Variants in FCHSD2 observed in about 807,000 individuals in gnomAD.
The protein encoded by FCHSD2 is FCH and double SH3 domains 2, also known as F-BAR and double SH3 domains protein 2.
Under a neutral mutation model 108.1 loss-of-function variants are expected in FCHSD2, and 38 were observed. That is an observed-to-expected ratio of 0.35 (90% CI 0.27 to 0.46). The LOEUF (loss-of-function observed/expected upper bound fraction) is 0.46. Ranked by LOEUF, FCHSD2 falls within the 20% of genes least tolerant of loss-of-function variation. The pLI, the probability that FCHSD2 is intolerant of heterozygous loss-of-function variation, is 1.00. For synonymous variants in FCHSD2, 279 were observed against 314.7 expected (o/e 0.89, Z 1.20); for missense variants, 751 against 897.8 (o/e 0.84, Z 2.09).
intron 5 of FCHSD2, among the ~76,000 whole-genome samples, chr11:72,992,351 A>G (rs1224559157): frequency 1.3e-5 from 2 of 152,232 alleles, no homozygotes; most frequent in Non-Finnish European, 2.9e-5. Context: ...GGTAATTTAT[A>G]GATTCAATGC....
chr11:72,927,966 G>A (rs1274315857), intron 8 of FCHSD2, among the ~76,000 whole-genome samples: 1 of 152,164 alleles, frequency 6.6e-6, no homozygotes, highest in African/African-American at 2.4e-5. Flanking sequence ...ACTTTATCAT[G>A]TTAATGATTT....
At chr11:72,963,794 G>A (rs1565344539) in intron 8 of FCHSD2, among the ~76,000 whole-genome samples, 1 of 152,162 alleles carries the variant, frequency 6.6e-6, no homozygotes, top group Non-Finnish European at 1.5e-5. Context: ...GTGGAGCTCA[G>A]GCAGTAATGC....
chr11:72,863,271 G>A (rs772688403), intron 13 of FCHSD2, among the ~76,000 whole-genome samples: 4 of 151,372 alleles, frequency 2.6e-5, no homozygotes, highest in Admixed American at 1.3e-4. Flanking sequence ...ATTCAGTGGC[G>A]AAAGGACAGT....
intron 2 of FCHSD2, among the ~76,000 whole-genome samples, chr11:73,095,946 A>G (rs1413899524): frequency 6.6e-6 from 1 of 152,134 alleles, no homozygotes; most frequent in Non-Finnish European, 1.5e-5. Flanking sequence ...ACCTGCTCAC[A>G]AACAAAATTG....
At chr11:73,033,201 T>C (rs1256233744) in intron 3 of FCHSD2, among the ~76,000 whole-genome samples, 1 of 149,926 alleles carries the variant, frequency 6.7e-6, no homozygotes, top group East Asian at 2.0e-4. Flanking sequence ...GGCAGGAGAA[T>C]GGCATAAACC....
intron 8 of FCHSD2, among the ~76,000 whole-genome samples, chr11:72,947,260 G>A (rs1303193357): frequency 6.6e-6 from 1 of 152,220 alleles, no homozygotes; most frequent in African/African-American, 2.4e-5. Flanking sequence ...GGTAAGAAAT[G>A]CTGTGTGTCA....
intron 2 of FCHSD2, among the ~76,000 whole-genome samples, chr11:73,116,257 CTTAA>C (rs1023199646): frequency 2.0e-5 from 3 of 152,100 alleles, no homozygotes; most frequent in Non-Finnish European, 4.4e-5. Context: ...TTCATTATTA[CTTAA>C]TTTTCTTATA....
rs115907550 is a variant in FCHSD2, at chr11:72,878,525, T to A, written c.1146+8945A>T. Among the ~76,000 whole-genome samples the A allele has an allele frequency of 4.1e-3, 621 of 152,098 alleles. 2 individuals are homozygous for A. Among genetic ancestry groups the A allele is most frequent in the African/African-American group, 0.014 (589 of 41,482 alleles). On this transcript the variant is annotated intron_variant, in intron 12 of 19. Transcript: ENST00000409418. ...TAATTCTAAGTCTGGGCAGGAAAAATATAAGGTGAACACTGTGATAGCTTG... is the reference window on the plus strand; with the variant it reads ...TAATTCTAAGTCTGGGCAGGAAAAAAATAAGGTGAACACTGTGATAGCTTG...
intron 8 of FCHSD2, among the ~76,000 whole-genome samples, chr11:72,979,381 G>A (rs1439263136): frequency 6.6e-6 from 1 of 152,082 alleles, no homozygotes; most frequent in African/African-American, 2.4e-5. Context: ...AAGCAAGCTA[G>A]GAGATATCAT....
intron 8 of FCHSD2, among the ~76,000 whole-genome samples, chr11:72,928,998 T>C (rs1204261666): frequency 5.3e-5 from 8 of 152,184 alleles, no homozygotes; most frequent in Non-Finnish European, 8.8e-5. Flanking sequence ...TTGCGATAGT[T>C]TGCTGAGAAT....
At chr11:72,889,555 T>TA (rs1855271288) in intron 11 of FCHSD2, among the ~76,000 whole-genome samples, 1 of 151,968 alleles carries the variant, frequency 6.6e-6, no homozygotes, top group Admixed American at 6.6e-5. Context: ...ACAAAAAATC[T>TA]AAAAAAATTT....
rs1156305680 is a variant in FCHSD2 at position 73,106,035 on chromosome 11, AAC to A, written c.120-22297_120-22296del. Among the ~76,000 whole-genome samples the A allele has an allele frequency of 1.1e-4, 16 of 152,376 alleles. No individual in the cohort carries two copies. The East Asian group carries it at 2.9e-3, about 27-fold the overall frequency. ...ATTATTCAGAATCATAAAATCAGAG[AAC>A]TGGGATGAACTTTAGAAATTATGTG... On this transcript the variant is annotated intron_variant, in intron 2 of 19. Transcript: ENST00000409418.
In FCHSD2 at chr11:72,841,558, G is replaced by T; in HGVS notation, c.1952C>A (p.Ala651Asp). ...IQISPSPKPH[A>D]SLPPLPLYDQ... ...GTACAACGGCAGTGGAGGCAGGGAG[G>T]CGTGTGGCTTGGGGGAAGGAGAGAT... The change falls in exon 18 of 20, where the codon GCC becomes GAC. Residue 651 changes from alanine (A) to aspartate (D), a missense_variant. By Grantham distance (126) the Ala-to-Asp change is moderately radical. Transcript: ENST00000409418. 1 of 1,610,102 alleles carries T rather than the reference G, an allele frequency of 6.2e-7. No individual in the cohort carries two copies. The highest frequency in any genetic ancestry group is 8.5e-7 in the Non-Finnish European group (1 of 1,178,402).
At chr11:72,853,678 T>TTAA (rs1565289009) in intron 13 of FCHSD2, among the ~76,000 whole-genome samples, 24 of 152,004 alleles carry the variant, frequency 1.6e-4, no homozygotes, top group African/African-American at 5.8e-4. Flanking sequence ...ATGAGTTTTT[T>TTAA]AAATATGATA....
At chr11:73,103,284 A>G (rs1226703104) in intron 2 of FCHSD2, among the ~76,000 whole-genome samples, 2 of 152,220 alleles carry the variant, frequency 1.3e-5, no homozygotes, top group Non-Finnish European at 2.9e-5. Flanking sequence ...AAACATAATA[A>G]AAGTTGTAAA....
chr11:72,947,430 A>C (rs1856541105), intron 8 of FCHSD2, among the ~76,000 whole-genome samples: 1 of 152,228 alleles, frequency 6.6e-6, no homozygotes, highest in African/African-American at 2.4e-5. Flanking sequence ...ATACACACTT[A>C]CAAGTTGTCT....
intron 3 of FCHSD2, among the ~76,000 whole-genome samples, chr11:73,052,591 C>T (rs1333745630): frequency 6.6e-6 from 1 of 152,118 alleles, no homozygotes; most frequent in African/African-American, 2.4e-5. Flanking sequence ...CAAGGAGAAA[C>T]ACTGTCGAAA....
chr11:72,949,573 T>G (rs750967702), intron 8 of FCHSD2, among the ~76,000 whole-genome samples: 1 of 152,250 alleles, frequency 6.6e-6, no homozygotes, highest in Non-Finnish European at 1.5e-5. Context: ...ACTAATCTAC[T>G]TTCTACATTT....
intron 9 of FCHSD2, among the ~76,000 whole-genome samples, chr11:72,912,710 C>T (rs79214015): frequency 0.017 from 2,514 of 152,212 alleles, 73 homozygotes; most frequent in African/African-American, 0.058. Flanking sequence ...ATTAGTTATT[C>T]TTTAAATGTT....
Sources: gnomAD v4.1 joint callset for allele counts (sites outside exome capture counted in the v4.1 genomes callset) on GRCh38, gnomAD v4.1.1 for gene constraint, MANE v1.5 for transcripts, NCBI Gene and HGNC (gene_info 2026-07-23, HGNC 2026-07-21) for gene names.